The following PEAK1 variants were observed in gnomAD, a reference collection of about 807,000 sequenced individuals.
PEAK1 encodes the protein inactive tyrosine-protein kinase PEAK1.
PEAK1 carries 54 observed loss-of-function variants against 124.7 expected under a neutral mutation model. The ratio of observed to expected loss-of-function variants is 0.43; its 90% CI spans 0.35 to 0.54. The LOEUF is 0.54. Ranked by LOEUF, PEAK1 falls within the 20% of genes least tolerant of loss-of-function variation. PEAK1 has a pLI of 0.01. For missense variants in PEAK1, 2,046 were observed against 2,134.5 expected (o/e 0.96, Z 0.82); for synonymous variants, 719 against 760.0 (o/e 0.95, Z 0.89).
chr15:77,263,674 G>T (rs1488781737), intron 5 of PEAK1, among the ~76,000 whole-genome samples: 1 of 152,134 alleles, frequency 6.6e-6, no homozygotes, highest in Non-Finnish European at 1.5e-5. Flanking sequence ...TCTACTAAAG[G>T]TACAAGGAGG....
chr15:77,281,032 G>A (rs111839976), intron 5 of PEAK1, among the ~76,000 whole-genome samples: 2,638 of 152,066 alleles, frequency 0.017, 83 homozygotes, highest in African/African-American at 0.06. Flanking sequence ...GGGTGACACC[G>A]GTAATCCTAG....
intron 1 of PEAK1, among the ~76,000 whole-genome samples, chr15:77,398,437 TG>T (rs1251154880): frequency 6.6e-6 from 1 of 152,214 alleles, no homozygotes; most frequent in Non-Finnish European, 1.5e-5. Context: ...GGATTTAACC[TG>T]AAGATGCAAG....
At chr15:77,299,274 G>A (rs1440073767) in intron 2 of PEAK1, among the ~76,000 whole-genome samples, 2 of 151,986 alleles carry the variant, frequency 1.3e-5, no homozygotes, top group African/African-American at 2.4e-5. Context: ...ACTCACAATG[G>A]CTTTTATTGA....
intron 5 of PEAK1, chr15:77,278,823 A>C: frequency 3.5e-6 from 1 of 283,230 alleles, no homozygotes; most frequent in Admixed American, 4.7e-5. Context: ...AAAATGCAAA[A>C]TTTTGTGGGT....
intron 6 of PEAK1, among the ~76,000 whole-genome samples, chr15:77,200,321 CTG>C (rs1382585612): frequency 6.6e-6 from 1 of 152,072 alleles, no homozygotes; most frequent in Non-Finnish European, 1.5e-5. Flanking sequence ...TGTTAATCAA[CTG>C]TTTATATTAT....
intron 1 of PEAK1, among the ~76,000 whole-genome samples, chr15:77,396,830 T>A (rs1013997027): frequency 2.0e-5 from 3 of 152,004 alleles, no homozygotes; most frequent in Admixed American, 1.3e-4. Flanking sequence ...GAGAGAAAAG[T>A]AGAGTTAAAG....
chr15:77,414,589 C>T (rs1427804266), intron 1 of PEAK1, among the ~76,000 whole-genome samples: 1 of 152,020 alleles, frequency 6.6e-6, no homozygotes, highest in Non-Finnish European at 1.5e-5. Context: ...GGCTTTGAAT[C>T]CTGGTTCCAT....
intron 2 of PEAK1, among the ~76,000 whole-genome samples, chr15:77,360,643 G>T (rs1168201593): frequency 2.0e-5 from 3 of 151,952 alleles, no homozygotes; most frequent in Admixed American, 1.3e-4. Flanking sequence ...TTTATAGGTG[G>T]GTTAGTAGGA....
intron 2 of PEAK1, among the ~76,000 whole-genome samples, chr15:77,302,136 A>T (rs941028170): frequency 1.3e-5 from 2 of 152,118 alleles, no homozygotes; most frequent in African/African-American, 2.4e-5. Context: ...AGAATCAGCC[A>T]CTTCTCCAAG....
chr15:77,264,009 G>A (rs1419949606), intron 5 of PEAK1, among the ~76,000 whole-genome samples: 1 of 151,926 alleles, frequency 6.6e-6, no homozygotes, highest in East Asian at 1.9e-4. Flanking sequence ...CAAAAACCAC[G>A]ATTATCTCAA....
intron 6 of PEAK1, among the ~76,000 whole-genome samples, chr15:77,251,789 TC>T (rs1195908929): frequency 6.6e-6 from 1 of 152,220 alleles, no homozygotes; most frequent in Non-Finnish European, 1.5e-5. Context: ...AGTTACCGCC[TC>T]TTTCCATGGT....
At chr15:77,195,985 A>G (rs1312960787) in intron 6 of PEAK1, among the ~76,000 whole-genome samples, 1 of 152,202 alleles carries the variant, frequency 6.6e-6, no homozygotes, top group Non-Finnish European at 1.5e-5. Context: ...TCAATATTTC[A>G]TGCTAAGCAG....
intron 1 of PEAK1, among the ~76,000 whole-genome samples, chr15:77,383,402 G>T (rs2069650885): frequency 6.6e-6 from 1 of 152,140 alleles, no homozygotes; most frequent in African/African-American, 2.4e-5. Flanking sequence ...AAACATCAGA[G>T]TTAAAACTTG....
At chr15:77,344,247 A>C (rs1198716398) in intron 2 of PEAK1, among the ~76,000 whole-genome samples, 1 of 152,110 alleles carries the variant, frequency 6.6e-6, no homozygotes, top group Non-Finnish European at 1.5e-5. Context: ...GGTGCCAGCC[A>C]CCACGCCCGG....
In PEAK1 at chr15:77,297,825, G is replaced by A. The variant is rs369634775; in HGVS notation, c.-602-11321C>T. ...TGTAATCCCAGCATTTTGGGAGGCC[G>A]AGGCGGGTGGATCATGAGGTCAGGA... On this transcript the variant is annotated intron_variant, in intron 2 of 9. Coordinates refer to ENST00000682557, the MANE Select transcript of PEAK1 (RefSeq NM_001385026.1). Among the ~76,000 whole-genome samples, 50 of 149,560 alleles carry A rather than the reference G, an allele frequency of 3.3e-4. No individual in the cohort carries two copies. The East Asian group carries it at 8.7e-3, about 26-fold the overall frequency.
chr15:77,418,762 C>T, intron 1 of PEAK1: 1 of 985,346 alleles, frequency 1.0e-6, no homozygotes, highest in Non-Finnish European at 1.2e-6. Context: ...TTTTTCACTT[C>T]CACACTGCAG....
intron 2 of PEAK1, among the ~76,000 whole-genome samples, chr15:77,299,148 C>T (rs999116273): frequency 1.1e-4 from 17 of 152,182 alleles, no homozygotes; most frequent in African/African-American, 4.1e-4. Flanking sequence ...TCTCTTTCTT[C>T]TAGAATTGAT....
chr15:77,220,074 A>C (rs2059316637), intron 6 of PEAK1, among the ~76,000 whole-genome samples: 4 of 152,142 alleles, frequency 2.6e-5, no homozygotes, highest in Non-Finnish European at 1.5e-5. Context: ...AGCAAAAGAT[A>C]CTTTGTTTTT....
At position 77,381,512 on chromosome 15, in the gene PEAK1, CTT is replaced by C; in HGVS notation, c.-665-16289_-665-16288del. 3 of 950,958 alleles carry C rather than the reference CTT, an allele frequency of 3.2e-6. 1 individual carries two copies. In the South Asian group the frequency reaches 1.5e-4, roughly 46 times the overall value. 58.9% of individuals were successfully genotyped at this position (950,958 alleles called of 1,614,324 possible). ...AACTGAATCTGACATTACCAACAAA[CTT>C]TATCTTTTCCATTACAGATTCAATT... is the stretch of plus-strand genomic sequence containing the variant. On this transcript the variant is annotated intron_variant, in intron 1 of 9. Coordinates refer to ENST00000682557, the MANE Select transcript of PEAK1 (RefSeq NM_001385026.1).
Sources: allele counts gnomAD v4.1 joint callset (sites outside exome capture counted in the v4.1 genomes callset), GRCh38; gene constraint gnomAD v4.1.1; transcripts MANE v1.5; gene names NCBI Gene and HGNC (gene_info 2026-07-23, HGNC 2026-07-21).